The following FKBP14 variants were observed in gnomAD, a reference collection of about 807,000 sequenced individuals.
The protein encoded by FKBP14 is peptidyl-prolyl cis-trans isomerase FKBP14.
In FKBP14, 20 loss-of-function variants were observed where a neutral mutation model predicts 21.6. That is an observed-to-expected ratio of 0.92 (90% CI 0.65 to 1.34). FKBP14 has a LOEUF of 1.34. Ranked by LOEUF, FKBP14 falls within the 40% of genes most tolerant of loss-of-function variation. The probability of loss-of-function intolerance (pLI) is 0.00; values close to 1 mark genes in which losing one functional copy is unlikely to be tolerated. For synonymous variants in FKBP14, 79 were observed against 86.7 expected (o/e 0.91, Z 0.49); for missense variants, 253 against 249.0 (o/e 1.02, Z -0.11).
chr7:30,026,493 A>G lies in FKBP14; in HGVS notation c.16T>C (p.Trp6Arg), dbSNP rs935382945. The part of the protein sequence containing the change: MRLFL[W>R]NAVLTLFVTS... Reference sequence around the variant, plus strand: ...ACGAACAGAGTCAAGACCGCGTTCCACAAGAAAAGCCTCATGTTGCTGAAG... The same window carrying G: ...ACGAACAGAGTCAAGACCGCGTTCCGCAAGAAAAGCCTCATGTTGCTGAAG... The change falls in exon 1 of 4, where the codon TGG (tryptophan) becomes CGG (arginine). Residue 6 changes from tryptophan to arginine, a missense_variant. By Grantham distance (101) the Trp-to-Arg change is moderately radical (BLOSUM62 -3). Transcript: ENST00000222803. 2 of 1,611,770 alleles carry G rather than the reference A, an allele frequency of 1.2e-6. No homozygotes were observed. Among genetic ancestry groups the G allele is most frequent in the South Asian group, 1.1e-5 (1 of 90,990 alleles).
chr7:30,017,933 TTGC>T (rs1789933854), intron 3 of FKBP14, among the ~76,000 whole-genome samples: 1 of 151,736 alleles, frequency 6.6e-6, no homozygotes, highest in Non-Finnish European at 1.5e-5. Context: ...GAGGCAGAGG[TTGC>T]AGTGAGCCGA....
downstream of FKBP14, among the ~76,000 whole-genome samples, chr7:30,009,860 G>T (rs1048693962): frequency 2.0e-5 from 3 of 151,412 alleles, no homozygotes; most frequent in Non-Finnish European, 4.4e-5. Flanking sequence ...TTAGCTGGGC[G>T]TGGTGGCGCA....
intron 2 of FKBP14, among the ~76,000 whole-genome samples, chr7:30,019,397 A>T (rs1234615207): frequency 2.6e-5 from 4 of 152,154 alleles, no homozygotes; most frequent in African/African-American, 9.7e-5. Context: ...ATACATAGAG[A>T]TGTACCTAAT....
Position 30,022,941 on chromosome 7 carries a change from A to G in FKBP14, c.198-125T>C, listed in dbSNP as rs10231351. ...AAATTTATAAATACAGCAATTCTGTATTTGCACACATACACACACACCTCC... is the reference window on the plus strand; with the variant it reads ...AAATTTATAAATACAGCAATTCTGTGTTTGCACACATACACACACACCTCC... On this transcript the variant is annotated intron_variant, in intron 1 of 3. Transcript: ENST00000222803. The G allele has an allele frequency of 0.071, 55,328 of 778,792 alleles. 2,259 individuals are homozygous for G. The highest frequency in any genetic ancestry group is 0.084 in the Non-Finnish European group (42,028 of 502,660). 48.2% of individuals were successfully genotyped at this position (778,792 alleles called of 1,614,324 possible).
chr7:30,017,126 T>A (rs1789907117), intron 3 of FKBP14, among the ~76,000 whole-genome samples: 1 of 151,008 alleles, frequency 6.6e-6, no homozygotes, highest in African/African-American at 2.4e-5. Flanking sequence ...CTAATAAAAC[T>A]AAGCCGGGTG....
At chr7:30,010,152 A>G (rs925058511), downstream of FKBP14, among the ~76,000 whole-genome samples, 1 of 152,182 alleles carries the variant, frequency 6.6e-6, no homozygotes, top group Non-Finnish European at 1.5e-5. Context: ...CGTTATTTTC[A>G]TGGCAACCCC....
intron 3 of FKBP14, among the ~76,000 whole-genome samples, chr7:30,015,192 T>G (rs903670532): frequency 6.6e-6 from 1 of 151,978 alleles, no homozygotes; most frequent in Non-Finnish European, 1.5e-5. Context: ...AGTGGGAAGA[T>G]TGCTTGAGGT....
chr7:30,016,305 T>G (rs1364621291), intron 3 of FKBP14, among the ~76,000 whole-genome samples: 1 of 152,216 alleles, frequency 6.6e-6, no homozygotes, highest in Non-Finnish European at 1.5e-5. Context: ...ATCATGTGAT[T>G]AGATTGAGTC....
chr7:30,010,139 T>C (rs1020631495), downstream of FKBP14, among the ~76,000 whole-genome samples: 4 of 152,146 alleles, frequency 2.6e-5, no homozygotes, highest in African/African-American at 9.7e-5. Context: ...AATCATTGTT[T>C]CTCGTTATTT....
chr7:30,006,640 G>A (rs189670703), downstream of FKBP14, among the ~76,000 whole-genome samples: 8 of 152,194 alleles, frequency 5.3e-5, no homozygotes, highest in East Asian at 3.9e-4. Flanking sequence ...GTCGTACAGC[G>A]TACAGAATAA....
At chr7:30,021,250 T>C (rs908601935) in intron 2 of FKBP14, among the ~76,000 whole-genome samples, 2 of 152,236 alleles carry the variant, frequency 1.3e-5, no homozygotes, top group Non-Finnish European at 2.9e-5. Flanking sequence ...ACTTTCTATG[T>C]ATATGTACCT....
chr7:30,019,730 G>A (rs138756389), intron 2 of FKBP14, among the ~76,000 whole-genome samples: 8 of 152,090 alleles, frequency 5.3e-5, no homozygotes, highest in Non-Finnish European at 1.0e-4. Flanking sequence ...GAGGATAAAG[G>A]GAGAAAAATC....
rs148775136 is a variant in FKBP14, at chr7:30,026,430, C to G, written c.79G>C (p.Val27Leu). 4.3e-6 allele frequency: 7 copies of G among 1,614,196 alleles called. No individual in the cohort carries two copies. In the African/African-American group the frequency reaches 9.3e-5, roughly 22 times the overall value. ...GGCTTCTGGAGAACTTCAATTTTCA[C>G]TTCTGGTTCAGGGATCAAAGCCCCA... ...LIGALIPEPE[V>L]KIEVLQKPFI... The change falls in exon 1 of 4, where the codon GTG becomes CTG. Residue 27 changes from valine to leucine, a missense_variant. Transcript: ENST00000222803.
Position 30,026,593 on chromosome 7 carries a change from A to G in FKBP14, c.-85T>C. On this transcript the variant is annotated 5_prime_UTR_variant, in exon 1 of 4. Transcript: ENST00000222803. ...GATTTAAGAACGTAGTTCAAGGCTT[A>G]CGGACAAGGGCTTCAGACAAGTTCA... The G allele has an allele frequency of 7.7e-7, 1 of 1,303,308 alleles. No individual in the cohort carries two copies. Among genetic ancestry groups the G allele is most frequent in the Non-Finnish European group, 1.0e-6 (1 of 953,566 alleles). The allele number at this position is 1,303,308 out of a possible 1,614,324, so 80.7% of individuals were successfully genotyped here. A position where few individuals can be genotyped will look rare whatever the true frequency, so the allele number is the denominator to read the frequency against.
rs577730139 is a variant in FKBP14, at chr7:30,010,720, A to G, written c.*4015T>C. ...ATGTTTCGGTCAATGTACAATATAT[A>G]TATGATGGTGGCCCCACAGATTATA... On this transcript the variant is annotated 3_prime_UTR_variant, in exon 4 of 4. Coordinates refer to ENST00000222803, the MANE Select transcript of FKBP14 (RefSeq NM_017946.4). The G allele has an allele frequency of 5.3e-5, 8 of 152,350 alleles. No individual in the cohort carries two copies. The highest frequency in any genetic ancestry group is 1.9e-4 in the African/African-American group (8 of 41,590). 9.4% of individuals were successfully genotyped at this position (152,350 alleles called of 1,614,324 possible). A position where few individuals can be genotyped will look rare whatever the true frequency, so the allele number is the denominator to read the frequency against.
chr7:30,023,931 G>A (rs1424563095), intron 1 of FKBP14, among the ~76,000 whole-genome samples: 3 of 152,146 alleles, frequency 2.0e-5, no homozygotes, highest in African/African-American at 7.2e-5. Context: ...ATTGGGTGGG[G>A]CCATAGCGGA....
chr7:30,022,686 C>T lies in FKBP14; in HGVS notation c.328G>A (p.Gly110Ser). Residue 110 changes from glycine (G) to serine (S), a missense_variant, in exon 2 of 4, where the codon GGC (glycine) becomes AGC (serine). Transcript: ENST00000222803. Reference protein sequence around the residue: ...KRKLIIPPALGYGKEGKGKIP... With the variant: ...KRKLIIPPALSYGKEGKGKIP... ...TTACCTTTTCCTTCTTTTCCATAGC[C>T]CAGAGCAGGAGGAATGATGAGCTTT... The T allele has an allele frequency of 6.2e-7, 1 of 1,613,780 alleles. No individual in the cohort carries two copies.
downstream of FKBP14, among the ~76,000 whole-genome samples, chr7:30,009,420 A>G (rs181875163): frequency 6.1e-4 from 93 of 152,102 alleles, no homozygotes; most frequent in African/African-American, 2.0e-3. Flanking sequence ...TTTAGTAAAG[A>G]CAGGGTTTCA....
intron 2 of FKBP14, chr7:30,020,347 A>G (rs527647213): frequency 3.7e-6 from 4 of 1,092,134 alleles, no homozygotes; most frequent in African/African-American, 3.3e-5. Context: ...AATTAGTTTC[A>G]TGGCATTCAG....
Sources: gnomAD v4.1 joint callset for allele counts (sites outside exome capture counted in the v4.1 genomes callset) on GRCh38, gnomAD v4.1.1 for gene constraint, MANE v1.5 for transcripts, NCBI Gene and HGNC (gene_info 2026-07-23, HGNC 2026-07-21) for gene names.